Variants in NBAS observed in about 807,000 individuals in gnomAD.
NBAS encodes NAG/BC035112 fusion.
A neutral mutation model predicts 302.5 loss-of-function variants in NBAS; 219 were observed. The observed-to-expected ratio is 0.72, with a 90% CI of 0.65 to 0.81. The LOEUF is 0.81. NBAS is among the 30% of genes least tolerant of loss of function. NBAS has a pLI of 0.00. For synonymous variants in NBAS, 1,118 were observed against 1,021.6 expected (o/e 1.09, Z -1.80); for missense variants, 2,932 against 2,841.6 (o/e 1.03, Z -0.72).
chr2:14,959,464 T>C, the NBAS span, among the ~76,000 whole-genome samples: 4 of 152,188 alleles, frequency 2.6e-5, no homozygotes, highest in African/African-American at 4.8e-5. Flanking sequence ...CAGAGCAATC[T>C]TTCCAAATTG....
intron 38 of NBAS, among the ~76,000 whole-genome samples, chr2:15,326,047 T>G (rs1672049406): frequency 6.6e-6 from 1 of 152,108 alleles, no homozygotes; most frequent in Middle Eastern, 3.2e-3. Context: ...CACACAACAT[T>G]TATCAATTAA....
At chr2:15,461,635 A>G (rs760486894) in intron 20 of NBAS, 52 bp downstream of exon 20, 40 of 1,105,358 alleles carry the variant, frequency 3.6e-5, no homozygotes, top group Non-Finnish European at 5.2e-5. Context: ...CAGCTCAAAG[A>G]TTTAGAGAGT....
the NBAS span, among the ~76,000 whole-genome samples, chr2:15,069,906 T>C: frequency 6.6e-6 from 1 of 152,320 alleles, no homozygotes; most frequent in Non-Finnish European, 1.5e-5. Flanking sequence ...TGGAGTTATC[T>C]AGTTCTTGAC....
chr2:15,085,659 T>A, the NBAS span, among the ~76,000 whole-genome samples: 38 of 152,266 alleles, frequency 2.5e-4, no homozygotes, highest in Admixed American at 2.6e-4. Flanking sequence ...GTCAGGATAA[T>A]GGATCCGGGC....
chr2:15,117,188 A>G, the NBAS span, among the ~76,000 whole-genome samples: 2 of 152,128 alleles, frequency 1.3e-5, no homozygotes, highest in African/African-American at 4.8e-5. Flanking sequence ...GTCAGGGTAA[A>G]TAAACCCGCC....
chr2:15,151,188 T>C, the NBAS span, among the ~76,000 whole-genome samples: 1 of 152,228 alleles, frequency 6.6e-6, no homozygotes, highest in African/African-American at 2.4e-5. Flanking sequence ...GAGGATTTAA[T>C]GATCAATCAT....
rs373061877 is a variant in NBAS, at chr2:15,561,208, G to A, written c.97C>T (p.Pro33Ser). ...TTCACCTGTACTTCAGTCTCCGGTG[G>A]CCACTCGGTGTTGACCAACAAGTCA... Reference protein sequence around the residue: ...LYDLLVNTEWPPETEVQPRGN... With the variant: ...LYDLLVNTEWSPETEVQPRGN... Residue 33 changes from proline (P) to serine (S), a missense_variant, in exon 1 of 52, where the codon CCA becomes TCA. By Grantham distance (74) the Pro-to-Ser change is moderately conservative. Transcript: ENST00000281513. 2.6e-5 allele frequency: 42 copies of A among 1,613,708 alleles called. No individual in the cohort carries two copies. Among genetic ancestry groups the A allele is most frequent in the Non-Finnish European group, 3.4e-5 (40 of 1,180,004 alleles).
the NBAS span, among the ~76,000 whole-genome samples, chr2:14,902,291 T>G: frequency 6.6e-6 from 1 of 152,086 alleles, no homozygotes; most frequent in Non-Finnish European, 1.5e-5. Flanking sequence ...GCCACCATAC[T>G]CAGCTAATTT....
At chr2:14,846,009 G>A in the NBAS span, among the ~76,000 whole-genome samples, 3 of 152,210 alleles carry the variant, frequency 2.0e-5, no homozygotes, top group East Asian at 5.8e-4. Flanking sequence ...TAATAACACA[G>A]AATGTCCCAA....
intron 21 of NBAS, among the ~76,000 whole-genome samples, chr2:15,428,905 T>A (rs1007420372): frequency 4.1e-5 from 6 of 147,612 alleles, no homozygotes; most frequent in African/African-American, 1.5e-4. Flanking sequence ...TAGCCAGGTG[T>A]GGAGGTGGCT....
intron 44 of NBAS, among the ~76,000 whole-genome samples, chr2:15,272,843 G>A (rs1449001029): frequency 6.6e-6 from 1 of 152,140 alleles, no homozygotes; most frequent in African/African-American, 2.4e-5. Context: ...ATTTTCAGGG[G>A]TTGGCGGACA....
chr2:15,152,918 A>AT, the NBAS span, among the ~76,000 whole-genome samples: 37 of 152,314 alleles, frequency 2.4e-4, 1 homozygote, highest in Admixed American at 1.4e-3. Flanking sequence ...CAATAAGAAT[A>AT]TTTTTTACAG....
the NBAS span, among the ~76,000 whole-genome samples, chr2:15,101,430 A>T: frequency 1.3e-5 from 2 of 152,096 alleles, no homozygotes; most frequent in East Asian, 3.8e-4. Context: ...TAAGTTATGT[A>T]TAGACTTATA....
the NBAS span, among the ~76,000 whole-genome samples, chr2:14,868,587 A>C: frequency 1.3e-5 from 2 of 152,068 alleles, no homozygotes; most frequent in African/African-American, 4.8e-5. Context: ...CACGGACGGA[A>C]TTTTTTCTTA....
At chr2:15,087,153 T>C in the NBAS span, among the ~76,000 whole-genome samples, 3 of 151,556 alleles carry the variant, frequency 2.0e-5, no homozygotes, top group Non-Finnish European at 4.4e-5. Context: ...CTCCTAGGTC[T>C]CACCCTGCAG....
chr2:14,799,373 G>A, the NBAS span, among the ~76,000 whole-genome samples: 3 of 151,940 alleles, frequency 2.0e-5, no homozygotes, highest in Admixed American at 1.3e-4. Flanking sequence ...TCTAGTTATT[G>A]TTCTATTATT....
chr2:15,054,751 C>T, the NBAS span, among the ~76,000 whole-genome samples: 1 of 152,300 alleles, frequency 6.6e-6, no homozygotes, highest in South Asian at 2.1e-4. Flanking sequence ...CTTTGGAAGG[C>T]AGCCCATGAT....
chr2:15,136,523 A>C, the NBAS span, among the ~76,000 whole-genome samples: 2 of 152,350 alleles, frequency 1.3e-5, no homozygotes, highest in African/African-American at 4.8e-5. Context: ...ATTTGGTCCA[A>C]GCCATAACTT....
intron 21 of NBAS, among the ~76,000 whole-genome samples, chr2:15,441,724 G>C (rs1447135196): frequency 5.4e-5 from 8 of 148,282 alleles, no homozygotes; most frequent in African/African-American, 1.8e-4. Flanking sequence ...ATTGGATAAA[G>C]AGTCAAGACT....
Sources: allele counts gnomAD v4.1 joint callset (sites outside exome capture counted in the v4.1 genomes callset), GRCh38; gene constraint gnomAD v4.1.1; transcripts MANE v1.5; gene names NCBI Gene and HGNC (gene_info 2026-07-23, HGNC 2026-07-21).